The following GRIK2 variants were observed in gnomAD, a reference collection of about 807,000 sequenced individuals.
GRIK2 encodes glutamate receptor ionotropic, kainate 2.
GRIK2 carries 32 observed loss-of-function variants against 100.3 expected under a neutral mutation model. The ratio of observed to expected loss-of-function variants is 0.32; its 90% CI spans 0.24 to 0.43. GRIK2 has a LOEUF of 0.43. Ranked by LOEUF, GRIK2 falls within the 20% of genes least tolerant of loss-of-function variation. GRIK2 has a pLI of 1.00. For missense variants in GRIK2, 843 were observed against 1,114.9 expected, an observed-to-expected ratio of 0.76 and a Z score of 3.47; for synonymous variants, 417 against 389.4, an observed-to-expected ratio of 1.07 and a Z score of -0.83.
intron 10 of GRIK2, among the ~76,000 whole-genome samples, chr6:101,826,667 TC>T (rs1255517838): frequency 6.6e-6 from 1 of 152,046 alleles, no homozygotes; most frequent in African/African-American, 2.4e-5. Flanking sequence ...TTCAGCTTTT[TC>T]TTTCTTACTA....
intron 7 of GRIK2, among the ~76,000 whole-genome samples, chr6:101,719,138 GTTTTT>G (rs60301711): frequency 1.4e-4 from 14 of 101,138 alleles, no homozygotes; most frequent in African/African-American, 7.0e-4. Flanking sequence ...GGCTGCAAGG[GTTTTT>G]TTTTTTTTTT....
At chr6:101,399,979 C>A (rs1279872466) in intron 2 of GRIK2, among the ~76,000 whole-genome samples, 1 of 152,188 alleles carries the variant, frequency 6.6e-6, no homozygotes, top group African/African-American at 2.4e-5. Flanking sequence ...AAAAAATGTT[C>A]TAAGATTCGA....
chr6:101,690,252 C>T (rs1232458881), intron 7 of GRIK2, among the ~76,000 whole-genome samples: 1 of 151,780 alleles, frequency 6.6e-6, no homozygotes, highest in African/African-American at 2.4e-5. Flanking sequence ...TAGATAATAC[C>T]ACATATTTCC....
At chr6:102,067,922 A>ATCTCATCT (rs1288285316) in intron 16 of GRIK2, among the ~76,000 whole-genome samples, 6 of 151,924 alleles carry the variant, frequency 3.9e-5, no homozygotes, top group Non-Finnish European at 8.8e-5. Flanking sequence ...ACATTTGCAT[A>ATCTCATCT]TCTCATCTTG....
chr6:101,450,558 G>A (rs1770617923), intron 2 of GRIK2, among the ~76,000 whole-genome samples: 1 of 151,622 alleles, frequency 6.6e-6, no homozygotes, highest in African/African-American at 2.4e-5. Flanking sequence ...TGGCTTAATA[G>A]CTGATGTACA....
At chr6:101,508,792 T>A (rs1203946219) in intron 2 of GRIK2, among the ~76,000 whole-genome samples, 1 of 152,178 alleles carries the variant, frequency 6.6e-6, no homozygotes. Flanking sequence ...ATTTCTGATA[T>A]GTTTCATTCC....
chr6:101,759,741 T>G (rs1285770514), intron 7 of GRIK2, among the ~76,000 whole-genome samples: 2 of 152,082 alleles, frequency 1.3e-5, no homozygotes, highest in African/African-American at 4.8e-5. Flanking sequence ...GTGTTTGTAA[T>G]TATTCAAAAT....
At chr6:101,588,662 G>GCACACGCACACGCACA (rs1562245300) in intron 2 of GRIK2, among the ~76,000 whole-genome samples, 1 of 146,220 alleles carries the variant, frequency 6.8e-6, no homozygotes, top group Admixed American at 6.8e-5. Flanking sequence ...TGACACACAC[G>GCACACGCACACGCACA]CACACGCACA....
chr6:102,041,846 A>C (rs1477915642), intron 15 of GRIK2, among the ~76,000 whole-genome samples: 2 of 151,664 alleles, frequency 1.3e-5, no homozygotes, highest in Non-Finnish European at 3.0e-5. Context: ...AATTGAAAGA[A>C]TATGTTAGTG....
chr6:101,540,238 G>C (rs1775917973), intron 2 of GRIK2, among the ~76,000 whole-genome samples: 1 of 151,784 alleles, frequency 6.6e-6, no homozygotes. Context: ...GCTTGATAGT[G>C]CCAGTGTCAG....
rs368554087 is a variant in GRIK2, at chr6:101,973,092, C to T, written c.2085+44460C>T. On this transcript the variant is annotated intron_variant, in intron 14 of 16. Coordinates refer to ENST00000369134, the MANE Select transcript of GRIK2 (RefSeq NM_021956.5). ...ACTAACTCTCTGCCCAGAGTTTAAT[C>T]ATGAAATTAGTGAGCCAGTGTTACT... 5.6e-4 allele frequency among the ~76,000 whole-genome samples: 85 copies of T among 151,906 alleles called. 2 individuals carry two copies. The South Asian group carries it at 0.011, about 19-fold the overall frequency.
At chr6:101,479,882 G>A (rs997842265) in intron 2 of GRIK2, among the ~76,000 whole-genome samples, 9 of 151,920 alleles carry the variant, frequency 5.9e-5, no homozygotes, top group Non-Finnish European at 1.2e-4. Flanking sequence ...CCTGTTTTAA[G>A]GTTTTTTATT....
intron 14 of GRIK2, among the ~76,000 whole-genome samples, chr6:101,989,567 T>C (rs1794241402): frequency 6.6e-6 from 1 of 151,542 alleles, no homozygotes; most frequent in Non-Finnish European, 1.5e-5. Context: ...GTTAATTAGC[T>C]TGGGATTAGC....
intron 10 of GRIK2, among the ~76,000 whole-genome samples, chr6:101,846,066 T>A (rs918982101): frequency 1.3e-5 from 2 of 152,112 alleles, no homozygotes; most frequent in Non-Finnish European, 2.9e-5. Context: ...AGTAGAATAT[T>A]ATCAGTTATA....
chr6:101,903,341 G>A (rs2128462453), intron 12 of GRIK2, among the ~76,000 whole-genome samples: 1 of 151,892 alleles, frequency 6.6e-6, no homozygotes, highest in South Asian at 2.1e-4. Context: ...GTGAAGTAAT[G>A]ATTCATCACT....
intron 2 of GRIK2, among the ~76,000 whole-genome samples, chr6:101,469,362 G>A (rs945964221): frequency 6.6e-6 from 1 of 152,090 alleles, no homozygotes; most frequent in African/African-American, 2.4e-5. Context: ...CCATGCTAGT[G>A]AAAGGAAATT....
chr6:101,451,661 A>C lies in GRIK2; in HGVS notation c.115+52269A>C, dbSNP rs1020853178. On this transcript the variant is annotated intron_variant, in intron 2 of 16. Coordinates refer to ENST00000369134, the MANE Select transcript of GRIK2 (RefSeq NM_021956.5). ...ATTATTTTGTGAACCTGAACAAATTACTAACTTTTCTGAGAGCCCATTATT... is the reference window on the plus strand; with the variant it reads ...ATTATTTTGTGAACCTGAACAAATTCCTAACTTTTCTGAGAGCCCATTATT... Among the ~76,000 whole-genome samples the C allele has an allele frequency of 1.2e-3, 176 of 140,926 alleles. 3 individuals carry two copies. Among genetic ancestry groups the C allele is most frequent in the Non-Finnish European group, 3.2e-4 (21 of 65,288 alleles). 92.5% of individuals were successfully genotyped at this position (140,926 alleles called of 152,430 possible).
chr6:101,595,714 G>GTATATA (rs1213458153), intron 2 of GRIK2, among the ~76,000 whole-genome samples: 45 of 129,642 alleles, frequency 3.5e-4, no homozygotes, highest in African/African-American at 1.3e-3. Flanking sequence ...GTGTGTGTGT[G>GTATATA]TGTGTATATA....
rs547789166 is a variant in GRIK2, at chr6:101,412,350, G to A, written c.115+12958G>A. On this transcript the variant is annotated intron_variant, in intron 2 of 16. Coordinates refer to ENST00000369134, the MANE Select transcript of GRIK2 (RefSeq NM_021956.5). The stretch of plus-strand genomic sequence containing the variant: ...GTTTTCTGTATTGATTGCCTCCTCG[G>A]TGAAACACATACGTTTGTTAAATAT... Among the ~76,000 whole-genome samples the A allele has an allele frequency of 3.3e-5, 5 of 151,942 alleles. No individual in the cohort carries two copies. In the South Asian group the frequency reaches 1.0e-3, roughly 32 times the overall value.
Sources: gnomAD v4.1 joint callset for allele counts (sites outside exome capture counted in the v4.1 genomes callset) on GRCh38, gnomAD v4.1.1 for gene constraint, MANE v1.5 for transcripts, NCBI Gene and HGNC (gene_info 2026-07-23, HGNC 2026-07-21) for gene names.